The following RGS7 variants were observed in gnomAD, a reference collection of about 807,000 sequenced individuals.
RGS7 encodes regulator of G-protein signaling 7.
A neutral mutation model predicts 81.1 loss-of-function variants in RGS7; 27 were observed. The ratio of observed to expected loss-of-function variants is 0.33; its 90% confidence interval spans 0.25 to 0.46. RGS7 has a LOEUF of 0.46. RGS7 is among the 20% of genes least tolerant of loss of function. The pLI, the probability that RGS7 is intolerant of heterozygous loss-of-function variation, is 1.00. For synonymous variants in RGS7, 208 were observed against 207.7 expected, an observed-to-expected ratio of 1.00 and a Z score of -0.01; for missense variants, 396 against 607.4, an observed-to-expected ratio of 0.65 and a Z score of 3.66.
chr1:241,307,864 G>C (rs1319645780), intron 2 of RGS7, among the ~76,000 whole-genome samples: 1 of 152,194 alleles, frequency 6.6e-6, no homozygotes, highest in Non-Finnish European at 1.5e-5. Context: ...ATAACATTGG[G>C]TGGGTGTCCT....
intron 2 of RGS7, among the ~76,000 whole-genome samples, chr1:241,311,082 G>C (rs1281345838): frequency 6.6e-6 from 1 of 152,168 alleles, no homozygotes; most frequent in Admixed American, 6.5e-5. Context: ...CCTCAAAGCA[G>C]TTATAAAAAT....
chr1:241,312,633 G>C (rs1216843871), intron 2 of RGS7, among the ~76,000 whole-genome samples: 1 of 152,126 alleles, frequency 6.6e-6, no homozygotes, highest in East Asian at 1.9e-4. Flanking sequence ...TGTTCTGACT[G>C]CTCCACCAAC....
At chr1:241,085,929 TC>T (rs1359401020) in intron 3 of RGS7, among the ~76,000 whole-genome samples, 1 of 152,142 alleles carries the variant, frequency 6.6e-6, no homozygotes, top group Non-Finnish European at 1.5e-5. Context: ...TCTTTATGGT[TC>T]CCCAGAACAT....
chr1:240,952,941 T>G (rs261849), intron 4 of RGS7, among the ~76,000 whole-genome samples: 149,840 of 152,002 alleles, frequency 0.99, 73,896 homozygotes, highest in East Asian at 1. Flanking sequence ...AACAAGCAAG[T>G]TTATCAGGGA....
chr1:241,204,416 T>C (rs1277134373), intron 2 of RGS7, among the ~76,000 whole-genome samples: 1 of 152,210 alleles, frequency 6.6e-6, no homozygotes, highest in East Asian at 1.9e-4. Context: ...TCTTAAAATA[T>C]GTACTGCATA....
chr1:241,276,033 G>C (rs1456766284), intron 2 of RGS7, among the ~76,000 whole-genome samples: 4 of 152,186 alleles, frequency 2.6e-5, no homozygotes, highest in African/African-American at 9.6e-5. Flanking sequence ...TAACAGATGA[G>C]AGAGTATGTG....
At chr1:240,912,658 T>C (rs1024287118) in intron 6 of RGS7, among the ~76,000 whole-genome samples, 1 of 152,122 alleles carries the variant, frequency 6.6e-6, no homozygotes, top group Non-Finnish European at 1.5e-5. Context: ...TTGTAATGAA[T>C]TTCAAGGCTT....
intron 4 of RGS7, among the ~76,000 whole-genome samples, chr1:240,977,526 T>C (rs888560135): frequency 6.6e-6 from 1 of 152,248 alleles, no homozygotes; most frequent in Non-Finnish European, 1.5e-5. Flanking sequence ...GAAGTTTAAC[T>C]ATCAATGCCA....
chr1:241,015,028 C>G (rs2059152958), intron 3 of RGS7, among the ~76,000 whole-genome samples: 1 of 152,192 alleles, frequency 6.6e-6, no homozygotes, highest in South Asian at 2.1e-4. Context: ...TCAGAAAACC[C>G]CTTCAGTCTC....
At chr1:241,302,227 G>A (rs1198480356) in intron 2 of RGS7, among the ~76,000 whole-genome samples, 1 of 152,202 alleles carries the variant, frequency 6.6e-6, no homozygotes, top group Non-Finnish European at 1.5e-5. Flanking sequence ...AAGTGAAGGG[G>A]GAGGATCAGC....
At chr1:240,827,574 G>A (rs1203053406) in intron 9 of RGS7, among the ~76,000 whole-genome samples, 2 of 152,092 alleles carry the variant, frequency 1.3e-5, no homozygotes, top group Non-Finnish European at 2.9e-5. Context: ...TATAAAAAGT[G>A]AGGCTGGGCC....
chr1:240,922,641 T>C (rs1673769985), intron 6 of RGS7, among the ~76,000 whole-genome samples: 1 of 152,056 alleles, frequency 6.6e-6, no homozygotes, highest in African/African-American at 2.4e-5. Flanking sequence ...CATATGTTAT[T>C]AGAGAACTGT....
At chr1:241,205,076 AT>A (rs10649310) in intron 2 of RGS7, among the ~76,000 whole-genome samples, 35,158 of 125,620 alleles carry the variant, frequency 0.28, 3,478 homozygotes, top group Admixed American at 0.31. Flanking sequence ...TTCATTTGTG[AT>A]TTTTTTTTTT....
Position 241,098,711 on chromosome 1 carries a change from G to T in RGS7, c.130C>A (p.Arg44Ser). 2 of 1,613,552 alleles carry T rather than the reference G, an allele frequency of 1.2e-6. No individual in the cohort carries two copies. The highest frequency in any genetic ancestry group is 1.1e-5 in the South Asian group (1 of 91,060). ...TTGGAAAGAAAGCTTTTGACCGTAC[G>T]AATAGGAATTCCATTTTTTTCATCT... is the stretch of plus-strand genomic sequence containing the variant. ...MQDEKNGIPIRTVKSFLSKIP... is the reference protein window; with the variant it reads ...MQDEKNGIPISTVKSFLSKIP... Residue 44 changes from arginine to serine, a missense_variant, in exon 3 of 19, where the codon CGT becomes AGT. Transcript: ENST00000440928.
chr1:241,054,996 T>A (rs1170426792), intron 3 of RGS7, among the ~76,000 whole-genome samples: 1 of 152,132 alleles, frequency 6.6e-6, no homozygotes, highest in Non-Finnish European at 1.5e-5. Flanking sequence ...GAACTATTAA[T>A]CATGCAGTTT....
intron 2 of RGS7, among the ~76,000 whole-genome samples, chr1:241,279,067 ACAATGTGAAAGG>A (rs2078360358): frequency 2.0e-5 from 3 of 152,116 alleles, no homozygotes; most frequent in Admixed American, 2.0e-4. Context: ...GCCATTGAAG[ACAATGTGAAAGG>A]CAGTGTGAAA....
intron 18 of RGS7, among the ~76,000 whole-genome samples, chr1:240,787,008 C>T (rs1321715602): frequency 6.6e-6 from 1 of 152,032 alleles, no homozygotes; most frequent in Non-Finnish European, 1.5e-5. Flanking sequence ...CACATTCTGT[C>T]AAATTCTATT....
In RGS7 at chr1:241,215,124, T is replaced by G. The variant is rs2074470999; in HGVS notation, c.79-116362A>C. On this transcript the variant is annotated intron_variant, in intron 2 of 18. Coordinates refer to ENST00000440928, the MANE Select transcript of RGS7 (RefSeq NM_001364886.1). ...ACTGTGGATGATTCATTGTAAAATT[T>G]TAGAATCCATTATCTCTCTTTGAAG... 2.6e-5 allele frequency among the ~76,000 whole-genome samples: 4 copies of G among 152,314 alleles called. No individual in the cohort carries two copies. In the South Asian group the frequency reaches 8.3e-4, roughly 32 times the overall value.
Position 241,243,575 on chromosome 1 carries a change from A to C in RGS7, c.78+112124T>G, listed in dbSNP as rs1400116626. On this transcript the variant is annotated intron_variant, in intron 2 of 18. Coordinates refer to ENST00000440928, the MANE Select transcript of RGS7 (RefSeq NM_001364886.1). The stretch of plus-strand genomic sequence containing the variant: ...GGAGGGGAAAAGAGGCATGAAGGGA[A>C]AGAGATGGATCAAAGAAGATTCATA... Among the ~76,000 whole-genome samples, 3 of 152,216 alleles carry C rather than the reference A, an allele frequency of 2.0e-5. No homozygotes were observed. The East Asian group carries it at 5.8e-4, about 29-fold the overall frequency.
Sources: allele counts gnomAD v4.1 joint callset (sites outside exome capture counted in the v4.1 genomes callset), GRCh38; gene constraint gnomAD v4.1.1; transcripts MANE v1.5; gene names NCBI Gene and HGNC (gene_info 2026-07-23, HGNC 2026-07-21).